The following ENOX1 variants were observed in gnomAD, a reference collection of about 807,000 sequenced individuals.
ENOX1 encodes the protein ecto-NOX disulfide-thiol exchanger 1, also known as candidate growth-related and time keeping constitutive hydroquinone (NADH) oxidase.
In ENOX1, 42 loss-of-function variants were observed where a neutral mutation model predicts 82.5. That is an observed-to-expected ratio of 0.51 (90% CI 0.40 to 0.66). ENOX1 has a LOEUF of 0.66. Among genes scored for constraint, ENOX1 ranks in the 30% least tolerant of loss-of-function variants. ENOX1 has a pLI of 0.00. For synonymous variants in ENOX1, 271 were observed against 282.2 expected (o/e 0.96, Z 0.40); for missense variants, 608 against 811.6 (o/e 0.75, Z 3.05).
At chr13:43,231,356 G>A (rs993303037) in intron 15 of ENOX1, among the ~76,000 whole-genome samples, 4 of 152,358 alleles carry the variant, frequency 2.6e-5, no homozygotes, top group Non-Finnish European at 2.9e-5. Context: ...TATATGGGAA[G>A]TGGAGAGAAA....
intron 14 of ENOX1, among the ~76,000 whole-genome samples, chr13:43,261,759 T>G (rs1170753125): frequency 7.0e-6 from 1 of 143,192 alleles, no homozygotes; most frequent in Non-Finnish European, 1.5e-5. Context: ...AAACACTGCA[T>G]ATTCTCACTC....
At chr13:43,704,771 G>A (rs1414808008) in intron 1 of ENOX1, among the ~76,000 whole-genome samples, 1 of 152,182 alleles carries the variant, frequency 6.6e-6, no homozygotes, top group Non-Finnish European at 1.5e-5. Flanking sequence ...ATGGAAGGCG[G>A]AAAGAACCAA....
At chr13:43,328,968 C>T (rs746806) in intron 9 of ENOX1, among the ~76,000 whole-genome samples, 30,064 of 152,132 alleles carry the variant, frequency 0.2, 3,917 homozygotes, top group East Asian at 0.58. Flanking sequence ...GATAATTATC[C>T]TGTGCAAGAG....
At chr13:43,718,541 T>G (rs1345325910) in intron 1 of ENOX1, among the ~76,000 whole-genome samples, 1 of 151,814 alleles carries the variant, frequency 6.6e-6, no homozygotes, top group Non-Finnish European at 1.5e-5. Flanking sequence ...TAATAAAAAT[T>G]GAAATTATTT....
At chr13:43,244,636 C>T (rs896575368) in intron 14 of ENOX1, among the ~76,000 whole-genome samples, 4 of 152,110 alleles carry the variant, frequency 2.6e-5, no homozygotes, top group African/African-American at 9.7e-5. Flanking sequence ...GTGACATCAC[C>T]CACACCCTAA....
At chr13:43,287,565 C>G (rs193043569) in intron 12 of ENOX1, among the ~76,000 whole-genome samples, 1 of 152,148 alleles carries the variant, frequency 6.6e-6, no homozygotes, top group African/African-American at 2.4e-5. Context: ...TCACATTTTC[C>G]TTCTACTAGT....
chr13:43,593,156 T>C (rs559351481), intron 2 of ENOX1, among the ~76,000 whole-genome samples: 2 of 152,316 alleles, frequency 1.3e-5, no homozygotes, highest in East Asian at 3.9e-4. Flanking sequence ...ACAAAGATTG[T>C]TGTCTGGAGT....
chr13:43,765,489 C>T (rs772931020), intron 1 of ENOX1, among the ~76,000 whole-genome samples: 30 of 152,132 alleles, frequency 2.0e-4, no homozygotes, highest in Non-Finnish European at 3.8e-4. Context: ...CAGAATTAAT[C>T]TGACACCCTG....
At chr13:43,470,375 T>TATATATAC (rs2058001038) in intron 3 of ENOX1, among the ~76,000 whole-genome samples, 1 of 85,660 alleles carries the variant, frequency 1.2e-5, no homozygotes. Flanking sequence ...CGTATATATA[T>TATATATAC]ACATATATAT....
rs3044245 is a variant in ENOX1 at position 43,754,323 on chromosome 13, G to GTATA, written c.-285+32325_-285+32328dup. The stretch of plus-strand genomic sequence containing the variant: ...TGCGTGTATGTATGTGTGTGTGTGT[G>GTATA]TATATATATATATATTATTATTATT... On this transcript the variant is annotated intron_variant, in intron 1 of 16. Coordinates refer to ENST00000690772, the MANE Select transcript of ENOX1 (RefSeq NM_001347969.2). 2.8e-5 allele frequency among the ~76,000 whole-genome samples: 4 copies of GTATA among 142,038 alleles called. No individual in the cohort carries two copies. In the Admixed American group the frequency reaches 2.9e-4, roughly 10 times the overall value. The allele number at this position is 142,038 out of a possible 152,430, so 93.2% of individuals were successfully genotyped here.
At chr13:43,231,794 G>A (rs910775739) in intron 15 of ENOX1, among the ~76,000 whole-genome samples, 8 of 152,126 alleles carry the variant, frequency 5.3e-5, no homozygotes, top group Non-Finnish European at 1.2e-4. Flanking sequence ...ACTTCTTGAG[G>A]GGAGATCATC....
intron 2 of ENOX1, among the ~76,000 whole-genome samples, chr13:43,635,080 T>A (rs2083363495): frequency 6.6e-6 from 1 of 151,834 alleles, no homozygotes; most frequent in Non-Finnish European, 1.5e-5. Flanking sequence ...GAGAAAGGAA[T>A]GAAGGAAAGC....
rs1171532025 is a variant in ENOX1, at chr13:43,262,839, T to G, written c.1611+2559A>C. On this transcript the variant is annotated intron_variant, in intron 14 of 16. Coordinates refer to ENST00000690772, the MANE Select transcript of ENOX1 (RefSeq NM_001347969.2). ...TACTTGTTGAGTATGTACTCTAGGC[T>G]TGGTGTTAATGTACATGGTTTCATT... 1.1e-4 allele frequency among the ~76,000 whole-genome samples: 16 copies of G among 152,322 alleles called. No individual in the cohort carries two copies. The East Asian group carries it at 3.1e-3, about 29-fold the overall frequency.
chr13:43,605,737 T>C (rs1196378433), intron 2 of ENOX1, among the ~76,000 whole-genome samples: 2 of 152,150 alleles, frequency 1.3e-5, no homozygotes, highest in African/African-American at 4.8e-5. Context: ...CTTCAGGACA[T>C]TGGACTGGGC....
At chr13:43,294,217 T>A (rs1240494385) in intron 12 of ENOX1, among the ~76,000 whole-genome samples, 1 of 152,206 alleles carries the variant, frequency 6.6e-6, no homozygotes, top group East Asian at 1.9e-4. Context: ...GACATAATCA[T>A]CATTAGTCAT....
chr13:43,621,381 G>A (rs2153746080), intron 2 of ENOX1, among the ~76,000 whole-genome samples: 1 of 152,196 alleles, frequency 6.6e-6, no homozygotes, highest in Non-Finnish European at 1.5e-5. Context: ...GTCCTGTTTT[G>A]ATGTGTTTCC....
intron 2 of ENOX1, among the ~76,000 whole-genome samples, chr13:43,628,070 T>C (rs982795688): frequency 6.6e-6 from 1 of 152,280 alleles, no homozygotes; most frequent in Non-Finnish European, 1.5e-5. Flanking sequence ...TAATGCATCT[T>C]AGTGTAAACT....
intron 2 of ENOX1, among the ~76,000 whole-genome samples, chr13:43,488,213 C>G (rs926211193): frequency 6.6e-6 from 1 of 152,118 alleles, no homozygotes; most frequent in Non-Finnish European, 1.5e-5. Context: ...GAGGTATAGC[C>G]TTTAAGAGAT....
chr13:43,711,535 C>G (rs1462247586), intron 1 of ENOX1, among the ~76,000 whole-genome samples: 5 of 152,068 alleles, frequency 3.3e-5, no homozygotes, highest in Non-Finnish European at 5.9e-5. Flanking sequence ...ATAGTCCCAC[C>G]AACAGTGTGA....
Sources: gnomAD v4.1 joint callset for allele counts (sites outside exome capture counted in the v4.1 genomes callset) on GRCh38, gnomAD v4.1.1 for gene constraint, MANE v1.5 for transcripts, NCBI Gene and HGNC (gene_info 2026-07-23, HGNC 2026-07-21) for gene names.